ZBTB21: variants seen among roughly 807,000 people sequenced by gnomAD.
The protein encoded by ZBTB21 is zinc finger and BTB domain-containing protein 21.
In ZBTB21, 10 loss-of-function variants were observed where a neutral mutation model predicts 39.8. That is an observed-to-expected ratio of 0.25 (90% CI 0.16 to 0.43). The LOEUF is 0.43. Ranked by LOEUF, ZBTB21 falls within the 20% of genes least tolerant of loss-of-function variation. The probability of loss-of-function intolerance (pLI) is 1.00; values close to 1 mark genes in which losing one functional copy is unlikely to be tolerated. For synonymous variants in ZBTB21, 551 were observed against 498.8 expected, an observed-to-expected ratio of 1.10 and a Z score of -1.40; for missense variants, 1,221 against 1,296.3, an observed-to-expected ratio of 0.94 and a Z score of 0.89.
At chr21:42,003,908 C>T (rs1399456877) in intron 1 of ZBTB21, among the ~76,000 whole-genome samples, 1 of 152,142 alleles carries the variant, frequency 6.6e-6, no homozygotes, top group Non-Finnish European at 1.5e-5. Flanking sequence ...GGCTACAAAA[C>T]CCTTCAGAAC....
rs2065947402 is a variant in ZBTB21 at position 42,010,349 on chromosome 21, G to T, written c.-176C>A. On this transcript the variant is annotated 5_prime_UTR_variant, in exon 1 of 3. Transcript: ENST00000310826. ...CTGCCGCTGTGATTCCATCCATCTT[G>T]AATTTGACGTCATCCCACACCAGGG... The T allele has an allele frequency of 5.7e-6, 2 of 348,520 alleles. No individual in the cohort carries two copies. Among genetic ancestry groups the T allele is most frequent in the South Asian group, 1.3e-4 (1 of 7,420 alleles). 21.6% of individuals were successfully genotyped at this position (348,520 alleles called of 1,614,324 possible). A position where few individuals can be genotyped will look rare whatever the true frequency, so the allele number is the denominator to read the frequency against.
rs989219830 is a variant in ZBTB21 at position 41,990,227 on chromosome 21, TTAAC to T, written c.*664_*667del. 1 of 152,634 alleles carries T rather than the reference TTAAC, an allele frequency of 6.6e-6. No homozygotes were observed. The highest frequency in any genetic ancestry group is 1.5e-5 in the Non-Finnish European group (1 of 68,038). 9.5% of individuals were successfully genotyped at this position (152,634 alleles called of 1,614,324 possible). The stretch of plus-strand genomic sequence containing the variant: ...TCATTTCCCAGGTCTTCCTTAGAGT[TTAAC>T]TATCATTTATTATATTGACTGAGAG... On this transcript the variant is annotated 3_prime_UTR_variant, in exon 3 of 3. Coordinates refer to ENST00000310826, the MANE Select transcript of ZBTB21 (RefSeq NM_001098402.2).
Position 41,989,441 on chromosome 21 carries a change from A to G in ZBTB21, c.*1454T>C, listed in dbSNP as rs747617664. 9.2e-5 allele frequency: 14 copies of G among 152,166 alleles called. No homozygotes were observed. The highest frequency in any genetic ancestry group is 1.9e-4 in the Non-Finnish European group (13 of 67,992). 9.4% of individuals were successfully genotyped at this position (152,166 alleles called of 1,614,324 possible). On this transcript the variant is annotated 3_prime_UTR_variant, in exon 3 of 3. Coordinates refer to ENST00000310826, the MANE Select transcript of ZBTB21 (RefSeq NM_001098402.2). The stretch of plus-strand genomic sequence containing the variant: ...ATTTGAAAGAATACCTCGTAACACA[A>G]ACTAGAGTCTAAATTGGTATTACTT...
In ZBTB21 at chr21:41,993,019, C is replaced by A. The variant is rs773488868; in HGVS notation, c.1077G>T (p.Leu359Phe). 1 of 1,614,182 alleles carries A rather than the reference C, an allele frequency of 6.2e-7. No individual in the cohort carries two copies. ...QVPVYSPSIDLKSSQGSSSVS... is the reference protein window; with the variant it reads ...QVPVYSPSIDFKSSQGSSSVS... Reference sequence around the variant, plus strand: ...CCGAAGATGATCCCTGGGAAGATTTCAAATCTATGGAAGGTGAATAGACAG... The same window carrying A: ...CCGAAGATGATCCCTGGGAAGATTTAAAATCTATGGAAGGTGAATAGACAG... Residue 359 changes from leucine (L) to phenylalanine (F), a missense_variant, in exon 3 of 3, where the codon TTG becomes TTT. Physicochemically the swap from Leu to Phe is conservative, Grantham distance 22 (BLOSUM62 0). Coordinates refer to ENST00000310826, the MANE Select transcript of ZBTB21 (RefSeq NM_001098402.2).
At chr21:41,996,276 G>A (rs1018052440) in intron 2 of ZBTB21, among the ~76,000 whole-genome samples, 1 of 152,240 alleles carries the variant, frequency 6.6e-6, no homozygotes, top group African/African-American at 2.4e-5. Context: ...AAGCAGCCAG[G>A]AGTGGGGGCT....
rs543894020 is a variant in ZBTB21 at position 41,999,505 on chromosome 21, G to GC, written c.-14+3391dup. On this transcript the variant is annotated intron_variant, in intron 2 of 2. Transcript: ENST00000310826. Reference sequence around the variant, plus strand: ...GTTCTAGGCTAACCAACCTCTTTGAGCCTCAGTTTACCTCGCCATAAAATA... The same window carrying GC: ...GTTCTAGGCTAACCAACCTCTTTGAGCCCTCAGTTTACCTCGCCATAAAATA... 5.8e-3 allele frequency among the ~76,000 whole-genome samples: 876 copies of GC among 152,212 alleles called. 20 individuals carry two copies. Among genetic ancestry groups the GC allele is most frequent in the Middle Eastern group, 3.4e-3 (1 of 294 alleles).
chr21:41,997,193 A>T (rs944220466), intron 2 of ZBTB21, among the ~76,000 whole-genome samples: 3 of 152,140 alleles, frequency 2.0e-5, no homozygotes, highest in African/African-American at 7.2e-5. Flanking sequence ...AAGTGTTGGG[A>T]TTACAGGCAT....
rs533656613 is a variant in ZBTB21, at chr21:42,010,319, C to A, written c.-146G>T. The A allele has an allele frequency of 2.3e-4, 92 of 398,398 alleles. No homozygotes were observed. Among genetic ancestry groups the A allele is most frequent in the South Asian group, 1.7e-3 (13 of 7,856 alleles). 24.7% of individuals were successfully genotyped at this position (398,398 alleles called of 1,614,324 possible). The stretch of plus-strand genomic sequence containing the variant: ...ACACTCGGCTCGCGCGCGCCGCAGC[C>A]GCCGCTGCCGCTGTGATTCCATCCA... On this transcript the variant is annotated 5_prime_UTR_variant, in exon 1 of 3. Transcript: ENST00000310826.
intron 2 of ZBTB21, among the ~76,000 whole-genome samples, chr21:41,999,447 C>T (rs1351937617): frequency 1.3e-5 from 2 of 152,172 alleles, no homozygotes; most frequent in Non-Finnish European, 2.9e-5. Flanking sequence ...GTATTCCTTC[C>T]TGTGGGTCAG....
intron 1 of ZBTB21, among the ~76,000 whole-genome samples, chr21:42,009,951 A>T (rs932702407): frequency 6.6e-6 from 1 of 152,154 alleles, no homozygotes; most frequent in Non-Finnish European, 1.5e-5. Context: ...GCCAGGGTGA[A>T]GAGTGAAGCC....
chr21:42,004,767 A>T (rs1257635445), intron 1 of ZBTB21, among the ~76,000 whole-genome samples: 1 of 152,206 alleles, frequency 6.6e-6, no homozygotes, highest in Non-Finnish European at 1.5e-5. Flanking sequence ...AACACAAGGC[A>T]AATACCTAGT....
At chr21:42,002,283 A>T (rs1018081597) in intron 2 of ZBTB21, 10 of 149,984 alleles carry the variant, frequency 6.7e-5, no homozygotes, top group African/African-American at 2.2e-4. Flanking sequence ...CTGGCTGCAG[A>T]CAGACAATTA....
At chr21:42,002,793 A>G (rs760526248) in intron 2 of ZBTB21, 104 bp downstream of exon 2, 1 of 152,192 alleles carries the variant, frequency 6.6e-6, no homozygotes, top group Non-Finnish European at 1.5e-5. Context: ...TTAAAAGACC[A>G]GTGGGTGAAA....
chr21:42,007,625 T>A (rs1420762847), intron 1 of ZBTB21, among the ~76,000 whole-genome samples: 1 of 152,190 alleles, frequency 6.6e-6, no homozygotes, highest in Non-Finnish European at 1.5e-5. Flanking sequence ...CCACAATACT[T>A]CATCTCTCTG....
Position 41,993,308 on chromosome 21 carries a change from G to A in ZBTB21, c.788C>T (p.Pro263Leu). 6.2e-7 allele frequency: 1 copy of A among 1,613,214 alleles called. No individual in the cohort carries two copies. Among genetic ancestry groups the A allele is most frequent in the Non-Finnish European group, 8.5e-7 (1 of 1,179,950 alleles). ...DDKPGVSGQLPKGKALELALK... is the reference protein window; with the variant it reads ...DDKPGVSGQLLKGKALELALK... ...AGCCAGCTCTAGAGCTTTTCCTTTT[G>A]GAAGCTGACCACTCACACCTGGTTT... The change falls in exon 3 of 3, where the codon CCA (proline) becomes CTA (leucine). Residue 263 changes from proline to leucine, a missense_variant. Pro to Leu is a moderately conservative substitution (Grantham distance 98, BLOSUM62 -3). Coordinates refer to ENST00000310826, the MANE Select transcript of ZBTB21 (RefSeq NM_001098402.2).
In ZBTB21 at chr21:42,010,339, C is replaced by T; in HGVS notation, c.-166G>A. 2.5e-6 allele frequency: 1 copy of T among 396,846 alleles called. No individual in the cohort carries two copies. Among genetic ancestry groups the T allele is most frequent in the Non-Finnish European group, 4.4e-6 (1 of 224,968 alleles). The allele number at this position is 396,846 out of a possible 1,614,324, so 24.6% of individuals were successfully genotyped here. ...GCAGCCGCCGCTGCCGCTGTGATTC[C>T]ATCCATCTTGAATTTGACGTCATCC... On this transcript the variant is annotated 5_prime_UTR_variant, in exon 1 of 3. It removes an upstream start codon present in the reference 5' UTR. Transcript: ENST00000310826.
chr21:42,008,779 A>T (rs1305308282), intron 1 of ZBTB21, among the ~76,000 whole-genome samples: 1 of 152,188 alleles, frequency 6.6e-6, no homozygotes, highest in East Asian at 1.9e-4. Context: ...ATAAAGTGTT[A>T]AAAAGGAAAA....
At position 41,992,698 on chromosome 21, in the gene ZBTB21, C is replaced by T. The variant is rs758790052; in HGVS notation, c.1398G>A (p.Leu466=). ...TTTGGTCATCTTCTGTTTTCAGAGA[C>T]AGGTCTCTTGTGACCGACGAAGATG... ...AASSSSVTRD[L]SLKTEDDQKD... The change falls in exon 3 of 3, where the codon CTG becomes CTA. Residue 466 remains leucine, a synonymous_variant. Coordinates refer to ENST00000310826, the MANE Select transcript of ZBTB21 (RefSeq NM_001098402.2). This position sits in a 1 kb window ranked among gnomAD's most constrained non-coding sequence, Gnocchi z 4.1. 6.2e-6 allele frequency: 10 copies of T among 1,614,090 alleles called. No homozygotes were observed. In the African/African-American group the frequency reaches 1.3e-4, roughly 22 times the overall value.
intron 2 of ZBTB21, among the ~76,000 whole-genome samples, chr21:42,001,967 G>C (rs2065822754): frequency 1.3e-5 from 2 of 152,228 alleles, no homozygotes; most frequent in African/African-American, 4.8e-5. Context: ...GGAATCCAAG[G>C]GAACCACAGG....
Sources: allele counts gnomAD v4.1 joint callset (sites outside exome capture counted in the v4.1 genomes callset), GRCh38; gene constraint gnomAD v4.1.1; non-coding constraint Gnocchi (gnomAD v3.1); transcripts MANE v1.5; gene names NCBI Gene and HGNC (gene_info 2026-07-23, HGNC 2026-07-21).